GRID1: variants seen among roughly 807,000 people sequenced by gnomAD.
GRID1 encodes the protein glutamate ionotropic receptor delta type subunit 1, also known as glutamate receptor ionotropic, delta-1.
Under a neutral mutation model 98.0 loss-of-function variants are expected in GRID1, and 28 were observed. The ratio of observed to expected loss-of-function variants is 0.29; its 90% CI spans 0.21 to 0.39. GRID1 has a LOEUF of 0.39. GRID1 is among the 10% of genes least tolerant of loss of function. GRID1 has a pLI of 1.00. For missense variants in GRID1, 1,111 were observed against 1,340.5 expected, an observed-to-expected ratio of 0.83 and a Z score of 2.67; for synonymous variants, 553 against 538.5, an observed-to-expected ratio of 1.03 and a Z score of -0.37.
chr10:86,252,633 T>G (rs529935744), intron 2 of GRID1, among the ~76,000 whole-genome samples: 1 of 152,372 alleles, frequency 6.6e-6, no homozygotes, highest in African/African-American at 2.4e-5. Flanking sequence ...TCCATTTTTC[T>G]ACACCAAAGA....
At chr10:85,827,311 A>C (rs1842828727) in intron 8 of GRID1, among the ~76,000 whole-genome samples, 1 of 152,204 alleles carries the variant, frequency 6.6e-6, no homozygotes. Context: ...TAAAAAACTC[A>C]CTTTGAGAAT....
intron 2 of GRID1, among the ~76,000 whole-genome samples, chr10:86,353,999 A>G (rs1369361068): frequency 2.6e-5 from 4 of 152,066 alleles, no homozygotes; most frequent in Non-Finnish European, 4.4e-5. Context: ...CAGAGCCCAG[A>G]CCAGAGGCCA....
intron 2 of GRID1, among the ~76,000 whole-genome samples, chr10:86,232,290 C>T (rs370057592): frequency 7.2e-5 from 11 of 152,208 alleles, no homozygotes; most frequent in East Asian, 5.8e-4. Flanking sequence ...TCTGGAATGC[C>T]GCTCCCGCTC....
intron 4 of GRID1, among the ~76,000 whole-genome samples, chr10:86,056,284 C>T (rs960320353): frequency 4.6e-5 from 7 of 152,150 alleles, no homozygotes; most frequent in African/African-American, 1.7e-4. Flanking sequence ...TGCTGAAGAC[C>T]AGATGATTCA....
intron 3 of GRID1, among the ~76,000 whole-genome samples, chr10:86,146,126 A>C (rs915680689): frequency 1.3e-5 from 2 of 152,226 alleles, no homozygotes; most frequent in Admixed American, 1.3e-4. Context: ...AGAAAGGCCC[A>C]GGCACTGAGA....
intron 4 of GRID1, among the ~76,000 whole-genome samples, chr10:86,134,393 A>C (rs12245826): frequency 0.026 from 3,921 of 152,344 alleles, 177 homozygotes; most frequent in African/African-American, 0.089. Context: ...ATGACAGATG[A>C]ATAGATGAAC....
chr10:85,969,412 C>T (rs936843135), intron 4 of GRID1, among the ~76,000 whole-genome samples: 3 of 152,082 alleles, frequency 2.0e-5, no homozygotes, highest in Admixed American at 2.0e-4. Context: ...TGGAACATTT[C>T]CCCAGGATAG....
chr10:86,272,639 T>C (rs1209101677), intron 2 of GRID1, among the ~76,000 whole-genome samples: 1 of 152,156 alleles, frequency 6.6e-6, no homozygotes, highest in Non-Finnish European at 1.5e-5. Flanking sequence ...GTGACAGGCA[T>C]TACTCACAAC....
chr10:86,119,830 G>T (rs183934592), intron 4 of GRID1, among the ~76,000 whole-genome samples: 259 of 152,026 alleles, frequency 1.7e-3, no homozygotes, highest in African/African-American at 5.8e-3. Flanking sequence ...TCACTCTGTC[G>T]CCCAGGCTGG....
chr10:85,912,064 C>T (rs1415266746), intron 5 of GRID1, among the ~76,000 whole-genome samples: 1 of 152,218 alleles, frequency 6.6e-6, no homozygotes, highest in African/African-American at 2.4e-5. Flanking sequence ...ACACTATGTA[C>T]ATTGACCTGC....
In GRID1 at chr10:86,087,368, T is replaced by C. The variant is rs868611386; in HGVS notation, c.726+51451A>G. Among the ~76,000 whole-genome samples the C allele has an allele frequency of 1.1e-3, 155 of 144,632 alleles. 1 individual carries two copies. Among genetic ancestry groups the C allele is most frequent in the African/African-American group, 4.0e-3 (150 of 37,960 alleles). 94.9% of individuals were successfully genotyped at this position (144,632 alleles called of 152,430 possible). A position where few individuals can be genotyped will look rare whatever the true frequency, so the allele number is the denominator to read the frequency against. On this transcript the variant is annotated intron_variant, in intron 4 of 15. Transcript: ENST00000327946. ...GTGTGTGTGTGTGTGTGTGTGTGTG[T>C]TGTGAGTGTCTGCATAATGGAGTCT...
intron 13 of GRID1, among the ~76,000 whole-genome samples, chr10:85,642,248 C>T (rs569885014): frequency 6.6e-6 from 1 of 152,284 alleles, no homozygotes; most frequent in South Asian, 2.1e-4. Context: ...TTTATAAAAA[C>T]AAGCTGTAGG....
chr10:85,873,534 A>T (rs2131796877), intron 5 of GRID1, among the ~76,000 whole-genome samples: 1 of 152,356 alleles, frequency 6.6e-6, no homozygotes, highest in African/African-American at 2.4e-5. Flanking sequence ...AAATGATTTC[A>T]GTGCGCCTTT....
chr10:85,880,540 G>C (rs1840990967), intron 5 of GRID1, among the ~76,000 whole-genome samples: 1 of 152,070 alleles, frequency 6.6e-6, no homozygotes, highest in Non-Finnish European at 1.5e-5. Flanking sequence ...TATCTCAATA[G>C]ATGCAGAAAA....
intron 2 of GRID1, among the ~76,000 whole-genome samples, chr10:86,244,430 C>T (rs1279084345): frequency 1.1e-4 from 17 of 152,242 alleles, no homozygotes; most frequent in Admixed American, 1.0e-3. Flanking sequence ...CTGATGCTCC[C>T]GCCCTAATTT....
chr10:86,104,608 A>G (rs1436381679), intron 4 of GRID1, among the ~76,000 whole-genome samples: 1 of 152,186 alleles, frequency 6.6e-6, no homozygotes, highest in Non-Finnish European at 1.5e-5. Flanking sequence ...TTTCCATGCC[A>G]TACATCAGGG....
chr10:86,002,664 G>GCTGTGTTATTTTGTTTAAAGGGA (rs1163146859), intron 4 of GRID1, among the ~76,000 whole-genome samples: 2 of 152,152 alleles, frequency 1.3e-5, no homozygotes, highest in African/African-American at 4.8e-5. Context: ...CATAGTGATT[G>GCTGTGTTATTTTGTTTAAAGGGA]CTGTGTTATT....
At chr10:86,119,690 C>A (rs1844637898) in intron 4 of GRID1, among the ~76,000 whole-genome samples, 1 of 152,188 alleles carries the variant, frequency 6.6e-6, no homozygotes. Flanking sequence ...CACAGGCATC[C>A]CATCTAGGGC....
chr10:85,633,436 C>T (rs1260793659), intron 13 of GRID1, among the ~76,000 whole-genome samples: 1 of 152,120 alleles, frequency 6.6e-6, no homozygotes, highest in Non-Finnish European at 1.5e-5. Flanking sequence ...TTTACTGAAA[C>T]AAAGTTTGAG....
Sources: gnomAD v4.1 joint callset for allele counts (sites outside exome capture counted in the v4.1 genomes callset) on GRCh38, gnomAD v4.1.1 for gene constraint, MANE v1.5 for transcripts, NCBI Gene and HGNC (gene_info 2026-07-23, HGNC 2026-07-21) for gene names.